MAGI2: variants seen among roughly 807,000 people sequenced by gnomAD.
The protein encoded by MAGI2 is membrane associated guanylate kinase, WW and PDZ domain containing 2.
MAGI2 carries 35 observed loss-of-function variants against 133.3 expected under a neutral mutation model. That is an observed-to-expected ratio of 0.26 (90% CI 0.20 to 0.35). MAGI2 has a LOEUF of 0.35. MAGI2 is among the 10% of genes least tolerant of loss of function. The pLI is 1.00. For synonymous variants in MAGI2, 729 were observed against 710.6 expected (o/e 1.03, Z -0.41); for missense variants, 1,636 against 1,863.4 (o/e 0.88, Z 2.25).
At chr7:78,122,484 A>C (rs1820567622) in intron 20 of MAGI2, among the ~76,000 whole-genome samples, 1 of 152,156 alleles carries the variant, frequency 6.6e-6, no homozygotes, top group Non-Finnish European at 1.5e-5. Context: ...TTGCAGGCAG[A>C]CTTTTGCATC....
intron 10 of MAGI2, among the ~76,000 whole-genome samples, chr7:78,210,834 A>G (rs1454931633): frequency 6.6e-6 from 1 of 152,226 alleles, no homozygotes; most frequent in African/African-American, 2.4e-5. Context: ...GGTTTGTCAG[A>G]GAGGAGGGTC....
intron 6 of MAGI2, among the ~76,000 whole-genome samples, chr7:78,443,385 A>G (rs2362598): frequency 0.86 from 130,051 of 152,032 alleles, 55,927 homozygotes; most frequent in East Asian, 0.95. Context: ...CCTGCTTCTG[A>G]GTTAGACACA....
intron 1 of MAGI2, among the ~76,000 whole-genome samples, chr7:79,388,739 A>G (rs1255096519): frequency 6.6e-6 from 1 of 151,766 alleles, no homozygotes; most frequent in Non-Finnish European, 1.5e-5. Context: ...AAAAAGAAAA[A>G]TAATAATCAG....
chr7:78,338,184 T>C (rs1009971101), intron 9 of MAGI2, among the ~76,000 whole-genome samples: 2 of 152,212 alleles, frequency 1.3e-5, no homozygotes, highest in African/African-American at 2.4e-5. Context: ...TTACCACTTA[T>C]GATGATCATT....
At chr7:78,924,315 G>T (rs918701339) in intron 2 of MAGI2, among the ~76,000 whole-genome samples, 2 of 152,124 alleles carry the variant, frequency 1.3e-5, no homozygotes, top group Non-Finnish European at 2.9e-5. Context: ...CATTCAGTAT[G>T]ATATTGGCTG....
intron 6 of MAGI2, among the ~76,000 whole-genome samples, chr7:78,453,303 A>C (rs1788928353): frequency 6.6e-6 from 1 of 152,174 alleles, no homozygotes; most frequent in Admixed American, 6.5e-5. Flanking sequence ...ATATAATCTC[A>C]CTAATGATCA....
At chr7:79,242,305 T>C (rs1248074693) in intron 1 of MAGI2, among the ~76,000 whole-genome samples, 1 of 152,202 alleles carries the variant, frequency 6.6e-6, no homozygotes. Flanking sequence ...AATTTTTATC[T>C]GTCAATTAAG....
At chr7:79,160,332 AAAC>A (rs1303307404) in intron 1 of MAGI2, among the ~76,000 whole-genome samples, 1 of 152,112 alleles carries the variant, frequency 6.6e-6, no homozygotes, top group Non-Finnish European at 1.5e-5. Context: ...AAAATAAAAG[AAAC>A]AATTAAGCTT....
chr7:79,402,771 G>C (rs1238397851), intron 1 of MAGI2, among the ~76,000 whole-genome samples: 1 of 152,118 alleles, frequency 6.6e-6, no homozygotes, highest in African/African-American at 2.4e-5. Context: ...AGACCGGCCT[G>C]GGCAACATAG....
chr7:79,363,167 CTAAAATT>C (rs1842468395), intron 1 of MAGI2, among the ~76,000 whole-genome samples: 1 of 151,088 alleles, frequency 6.6e-6, no homozygotes. Flanking sequence ...AACACTGAAA[CTAAAATT>C]TAAAACAGTA....
intron 1 of MAGI2, among the ~76,000 whole-genome samples, chr7:79,325,054 T>C (rs1319323372): frequency 6.6e-6 from 1 of 152,074 alleles, no homozygotes; most frequent in Non-Finnish European, 1.5e-5. Flanking sequence ...CTAAATGTAT[T>C]ATTACTCTTA....
At chr7:79,028,747 C>T (rs1810275278) in intron 1 of MAGI2, among the ~76,000 whole-genome samples, 1 of 152,000 alleles carries the variant, frequency 6.6e-6, no homozygotes, top group African/African-American at 2.4e-5. Flanking sequence ...AATATTTGCT[C>T]GGTGCTACTT....
intron 1 of MAGI2, among the ~76,000 whole-genome samples, chr7:79,224,197 C>G (rs1830667267): frequency 6.6e-6 from 1 of 152,038 alleles, no homozygotes; most frequent in African/African-American, 2.4e-5. Flanking sequence ...ACCCCAAGGT[C>G]TCCTCCAACC....
At chr7:78,852,261 TGTCTTATTCTTTTGCAGGAG>T (rs1793207289) in intron 2 of MAGI2, among the ~76,000 whole-genome samples, 1 of 152,134 alleles carries the variant, frequency 6.6e-6, no homozygotes, top group Non-Finnish European at 1.5e-5. Context: ...TGTTTGCTTT[TGTCTTATTCTTTTGCAGGAG>T]GTCTTTGTAT....
chr7:78,765,538 G>C (rs1011495742), intron 2 of MAGI2, among the ~76,000 whole-genome samples: 1 of 151,600 alleles, frequency 6.6e-6, no homozygotes, highest in Non-Finnish European at 1.5e-5. Flanking sequence ...TAGTAGAAAC[G>C]GGGTTTCTCT....
chr7:78,847,359 C>T (rs1792715070), intron 2 of MAGI2, among the ~76,000 whole-genome samples: 1 of 151,862 alleles, frequency 6.6e-6, no homozygotes. Context: ...AGGCTCGTGG[C>T]TTGCGAGGGG....
chr7:78,573,063 A>G (rs568407427), intron 3 of MAGI2, among the ~76,000 whole-genome samples: 1 of 106,098 alleles, frequency 9.4e-6, no homozygotes. Flanking sequence ...ATATATATAT[A>G]TATATATATA....
chr7:78,307,227 G>A (rs900854104), intron 9 of MAGI2, among the ~76,000 whole-genome samples: 14 of 152,086 alleles, frequency 9.2e-5, no homozygotes, highest in African/African-American at 3.4e-4. Flanking sequence ...CCTTGTAAAA[G>A]TATTTTACAT....
At position 78,663,484 on chromosome 7, in the gene MAGI2, C is replaced by T. The variant is rs147602168; in HGVS notation, c.419-36245G>A. 5.7e-3 allele frequency among the ~76,000 whole-genome samples: 868 copies of T among 152,206 alleles called. 5 individuals are homozygous for T. Among genetic ancestry groups the T allele is most frequent in the African/African-American group, 0.02 (813 of 41,536 alleles). On this transcript the variant is annotated intron_variant, in intron 2 of 21. Transcript: ENST00000354212. ...CCTCCCAAAGTGCTGAGACTACAGG[C>T]GTGAGCCACTGTGCCCCGCCATTTG...
Sources: allele counts gnomAD v4.1 joint callset (sites outside exome capture counted in the v4.1 genomes callset), GRCh38; gene constraint gnomAD v4.1.1; transcripts MANE v1.5; gene names NCBI Gene and HGNC (gene_info 2026-07-23, HGNC 2026-07-21).